SIPA1L2: variants seen among roughly 807,000 people sequenced by gnomAD.
SIPA1L2 encodes the protein signal induced proliferation associated 1 like 2.
SIPA1L2 carries 56 observed loss-of-function variants against 163.9 expected under a neutral mutation model. The observed-to-expected ratio is 0.34, with a 90% confidence interval of 0.28 to 0.43. The LOEUF (loss-of-function observed/expected upper bound fraction) is 0.43. SIPA1L2 is among the 20% of genes least tolerant of loss of function. The pLI is 1.00. For missense variants in SIPA1L2, 1,974 were observed against 2,193.5 expected (o/e 0.90, Z 2.00); for synonymous variants, 877 against 865.7 (o/e 1.01, Z -0.23).
intron 10 of SIPA1L2, among the ~76,000 whole-genome samples, chr1:232,448,972 C>T (rs1663382857): frequency 6.6e-6 from 1 of 151,898 alleles, no homozygotes; most frequent in African/African-American, 2.4e-5. Flanking sequence ...AGAGATGAGA[C>T]CCAGGGTCAC....
At chr1:232,559,062 G>T (rs947905298) in intron 2 of SIPA1L2, among the ~76,000 whole-genome samples, 1 of 152,104 alleles carries the variant, frequency 6.6e-6, no homozygotes, top group Non-Finnish European at 1.5e-5. Flanking sequence ...CCCACCGGTG[G>T]GTGGGTGATC....
At chr1:232,583,359 G>T (rs1421669597) in intron 1 of SIPA1L2, among the ~76,000 whole-genome samples, 1 of 152,148 alleles carries the variant, frequency 6.6e-6, no homozygotes, top group Non-Finnish European at 1.5e-5. Flanking sequence ...TCATTTACTA[G>T]TTTGCTTTTA....
intron 2 of SIPA1L2, among the ~76,000 whole-genome samples, chr1:232,534,038 A>G (rs1185580250): frequency 6.6e-6 from 1 of 152,182 alleles, no homozygotes; most frequent in African/African-American, 2.4e-5. Context: ...AAAAAAAACT[A>G]TCCTAAAATT....
Position 232,462,208 on chromosome 1 carries a change from T to C in SIPA1L2, c.2821-1047A>G, listed in dbSNP as rs1183543808. On this transcript the variant is annotated intron_variant, in intron 9 of 22. Transcript: ENST00000674635. ...AAGCACTCACCGAGCATAGTTTACA[T>C]CCAATGAAAGAAAAACATGGGCTCA... 3 of 1,550,410 alleles carry C rather than the reference T, an allele frequency of 1.9e-6. No individual in the cohort carries two copies. The South Asian group carries it at 3.6e-5, about 18-fold the overall frequency.
At position 232,518,330 on chromosome 1, in the gene SIPA1L2, T is replaced by C. The variant is rs1055859256; in HGVS notation, c.-269-2722A>G. On this transcript the variant is annotated intron_variant, in intron 2 of 22. Transcript: ENST00000674635. ...GCTTGAATTGCTTTGGAGAATCATTTAATTTGTGTGAGGCTAACTCCACAC... is the reference window on the plus strand; with the variant it reads ...GCTTGAATTGCTTTGGAGAATCATTCAATTTGTGTGAGGCTAACTCCACAC... Among the ~76,000 whole-genome samples, 9 of 152,176 alleles carry C rather than the reference T, an allele frequency of 5.9e-5. No homozygotes were observed. The South Asian group carries it at 1.0e-3, about 18-fold the overall frequency.
chr1:232,418,861 T>A (rs1463194307), intron 18 of SIPA1L2, among the ~76,000 whole-genome samples: 1 of 152,224 alleles, frequency 6.6e-6, no homozygotes, highest in African/African-American at 2.4e-5. Context: ...CCTTTTCTCA[T>A]GAGTTTACCT....
At chr1:232,444,471 C>A (rs1663087789) in intron 11 of SIPA1L2, among the ~76,000 whole-genome samples, 1 of 152,062 alleles carries the variant, frequency 6.6e-6, no homozygotes, top group Non-Finnish European at 1.5e-5. Flanking sequence ...AGTTGGGAGA[C>A]CCAGAGCCAA....
intron 2 of SIPA1L2, among the ~76,000 whole-genome samples, chr1:232,552,615 C>T (rs1658455917): frequency 6.6e-6 from 1 of 152,062 alleles, no homozygotes; most frequent in Admixed American, 6.5e-5. Flanking sequence ...AGTGATCCTT[C>T]CACCTCAGCC....
chr1:232,622,370 T>C (rs547632341), intron 1 of SIPA1L2, among the ~76,000 whole-genome samples: 12 of 152,342 alleles, frequency 7.9e-5, no homozygotes, highest in African/African-American at 2.9e-4. Flanking sequence ...ACAATACTGA[T>C]GGGGTTTTTA....
chr1:232,484,927 A>G (rs1434678802), intron 5 of SIPA1L2, among the ~76,000 whole-genome samples: 1 of 152,240 alleles, frequency 6.6e-6, no homozygotes, highest in African/African-American at 2.4e-5. Flanking sequence ...ACCTTTAATC[A>G]AAATTCATAG....
At chr1:232,479,596 C>T (rs535506419) in intron 7 of SIPA1L2, 31 bp downstream of exon 7, 21 of 1,564,000 alleles carry the variant, frequency 1.3e-5, no homozygotes, top group Middle Eastern at 3.4e-4. Context: ...TCATACTCAG[C>T]GTAAAAAGCT....
chr1:232,493,240 C>A (rs752003101), intron 4 of SIPA1L2, among the ~76,000 whole-genome samples: 47 of 152,154 alleles, frequency 3.1e-4, no homozygotes, highest in Middle Eastern at 3.4e-3. Flanking sequence ...GTTAAGCCTG[C>A]GGAACTGTGA....
chr1:232,604,560 C>T (rs1661788215), intron 1 of SIPA1L2, among the ~76,000 whole-genome samples: 1 of 152,124 alleles, frequency 6.6e-6, no homozygotes, highest in Non-Finnish European at 1.5e-5. Context: ...TCAACTTGCC[C>T]AAGGTGGTGT....
At chr1:232,532,139 C>G (rs1558249637) in intron 2 of SIPA1L2, among the ~76,000 whole-genome samples, 1 of 152,060 alleles carries the variant, frequency 6.6e-6, no homozygotes, top group Non-Finnish European at 1.5e-5. Context: ...ATAATCCAGG[C>G]AAGAGAGGGT....
chr1:232,487,992 C>T (rs940411764), intron 5 of SIPA1L2, among the ~76,000 whole-genome samples: 12 of 151,992 alleles, frequency 7.9e-5, no homozygotes, highest in Non-Finnish European at 1.2e-4. Context: ...CTCACTCTGT[C>T]GCCCAGGCTG....
intron 7 of SIPA1L2, among the ~76,000 whole-genome samples, chr1:232,477,451 GTTT>G (rs1409286768): frequency 6.6e-6 from 1 of 152,154 alleles, no homozygotes; most frequent in East Asian, 1.9e-4. Flanking sequence ...TTCAACAAAT[GTTT>G]GTTGACTTCT....
At position 232,513,842 on chromosome 1, in the gene SIPA1L2, A is replaced by G. The variant is rs753570994; in HGVS notation, c.1483+15T>C. 1 of 1,543,796 alleles carries G rather than the reference A, an allele frequency of 6.5e-7. No homozygotes were observed. Among genetic ancestry groups the G allele is most frequent in the Non-Finnish European group, 8.7e-7 (1 of 1,150,394 alleles). On this transcript the variant is annotated intron_variant, in intron 3 of 22. Transcript: ENST00000674635. ...ACTCCCGAGACACATGCAAACGCCCATGGCTCTTCCTTACCTTTCCCATAG... is the reference window on the plus strand; with the variant it reads ...ACTCCCGAGACACATGCAAACGCCCGTGGCTCTTCCTTACCTTTCCCATAG...
chr1:232,554,643 T>A (rs1184816238), intron 2 of SIPA1L2, among the ~76,000 whole-genome samples: 2 of 152,222 alleles, frequency 1.3e-5, no homozygotes, highest in Admixed American at 6.5e-5. Context: ...TATGCACACA[T>A]ATCTTGACAC....
intron 2 of SIPA1L2, among the ~76,000 whole-genome samples, chr1:232,541,314 C>T (rs1165440537): frequency 2.1e-5 from 3 of 142,234 alleles, no homozygotes; most frequent in African/African-American, 7.6e-5. Flanking sequence ...AATATATCTT[C>T]TGGGCTTGCC....
Sources: allele counts gnomAD v4.1 joint callset (sites outside exome capture counted in the v4.1 genomes callset), GRCh38; gene constraint gnomAD v4.1.1; transcripts MANE v1.5; gene names NCBI Gene and HGNC (gene_info 2026-07-23, HGNC 2026-07-21).